Variants in WNT5B observed in about 807,000 individuals in gnomAD.
The protein encoded by WNT5B is protein Wnt-5b.
Under a neutral mutation model 36.5 loss-of-function variants are expected in WNT5B, and 18 were observed. The observed-to-expected ratio is 0.49, with a 90% confidence interval of 0.34 to 0.73. WNT5B has a LOEUF of 0.73. WNT5B is among the 30% of genes least tolerant of loss of function. The pLI is 0.01. For synonymous variants in WNT5B, 213 were observed against 212.3 expected (o/e 1.00, Z -0.03); for missense variants, 424 against 508.4 (o/e 0.83, Z 1.60).
chr12:1,639,224 G>A (rs1240609779), intron 3 of WNT5B, among the ~76,000 whole-genome samples: 3 of 150,264 alleles, frequency 2.0e-5, no homozygotes, highest in Non-Finnish European at 3.0e-5. Flanking sequence ...TGCAAGCTCC[G>A]CCTCCCGGGT....
intron 4 of WNT5B, chr12:1,645,031 C>T (rs2094582672): frequency 6.6e-6 from 1 of 152,174 alleles, no homozygotes; most frequent in Non-Finnish European, 1.5e-5. Flanking sequence ...GGCAAGACTC[C>T]TGATGACTCT....
chr12:1,642,939 G>A (rs113125177), intron 4 of WNT5B, among the ~76,000 whole-genome samples: 9 of 152,064 alleles, frequency 5.9e-5, no homozygotes, highest in African/African-American at 1.7e-4. Context: ...AACAGGCCTC[G>A]GCCATCAGTC....
chr12:1,623,187 G>GTTGTTTTTTTTTTT lies in WNT5B; in HGVS notation c.-58+6046_-58+6047insGTTTTTTTTTTTTT, dbSNP rs1555156806. On this transcript the variant is annotated intron_variant, in intron 1 of 4. Transcript: ENST00000310594. ...GGAAACCTTTGAAGGGTTTTTTGTT[G>GTTGTTTTTTTTTTT]TTTTTTTTTTTTTTTTTTTTTTTTT... 2.4e-4 allele frequency among the ~76,000 whole-genome samples: 14 copies of GTTGTTTTTTTTTTT among 58,366 alleles called. 1 individual carries two copies. Among genetic ancestry groups the GTTGTTTTTTTTTTT allele is most frequent in the African/African-American group, 1.0e-3 (14 of 13,886 alleles). The allele number at this position is 58,366 out of a possible 152,430, so 38.3% of individuals were successfully genotyped here.
At position 1,631,418 on chromosome 12, in the gene WNT5B, G is replaced by A; in HGVS notation, c.64G>A (p.Asp22Asn). 6.2e-7 allele frequency: 1 copy of A among 1,614,172 alleles called. No individual in the cohort carries two copies. Among genetic ancestry groups the A allele is most frequent in the Non-Finnish European group, 8.5e-7 (1 of 1,180,034 alleles). ...LLSSWAQLLTDANSWWSLALN... is the reference protein window; with the variant it reads ...LLSSWAQLLTNANSWWSLALN... ...GTCCAGCTGGGCTCAGCTTCTGACA[G>A]ACGCCAACTCCTGGTGGTGAGTAAG... Residue 22 changes from aspartate to asparagine, a missense_variant, in exon 2 of 5, where the codon GAC becomes AAC. By Grantham distance (23) the Asp-to-Asn change is conservative. Coordinates refer to ENST00000397196, the MANE Select transcript of WNT5B (RefSeq NM_032642.3).
intron 3 of WNT5B, among the ~76,000 whole-genome samples, chr12:1,634,307 T>G (rs771155362): frequency 2.0e-5 from 3 of 152,192 alleles, no homozygotes; most frequent in Non-Finnish European, 4.4e-5. Context: ...CTGCCCTGCG[T>G]TTTGGGCAAT....
rs1338937768 is a variant in WNT5B at position 1,639,770 on chromosome 12, T to A, written c.415T>A (p.Ser139Thr). 2 of 1,609,618 alleles carry A rather than the reference T, an allele frequency of 1.2e-6. No homozygotes were observed. The change falls in exon 4 of 5, where the codon TCC (serine) becomes ACC (threonine). Residue 139 changes from serine to threonine, a missense_variant. Coordinates refer to ENST00000397196, the MANE Select transcript of WNT5B (RefSeq NM_032642.3). ...ISRACREGEL[S>T]TCGCSRTARP... ...CCGGGCCTGCCGCGAGGGCGAGCTC[T>A]CCACCTGCGGCTGCAGCCGGACGGC...
intron 1 of WNT5B, among the ~76,000 whole-genome samples, chr12:1,623,181 TTTGTTG>T (rs1291514109): frequency 5.9e-5 from 8 of 136,442 alleles, no homozygotes; most frequent in African/African-American, 2.3e-4. Flanking sequence ...TGAAGGGTTT[TTTGTTG>T]TTTTTTTTTT....
intron 2 of WNT5B, 76 bp downstream of exon 2, chr12:1,631,510 C>T (rs1471626139): frequency 1.2e-6 from 2 of 1,606,654 alleles, no homozygotes; most frequent in Non-Finnish European, 1.7e-6. Context: ...AGGAAGGGCA[C>T]CGTGTGTCAC....
At chr12:1,631,550 G>A (rs1208247243) in intron 2 of WNT5B, 116 bp downstream of exon 2, 3 of 1,508,268 alleles carry the variant, frequency 2.0e-6, no homozygotes, top group Non-Finnish European at 2.7e-6. Context: ...GGAGTACTAA[G>A]GGCCTCTTTT....
At position 1,646,722 on chromosome 12, in the gene WNT5B, C is replaced by T. The variant is rs1440715381; in HGVS notation, c.*470C>T. The T allele has an allele frequency of 6.6e-6, 1 of 152,500 alleles. No homozygotes were observed. The highest frequency in any genetic ancestry group is 1.5e-5 in the Non-Finnish European group (1 of 68,306). The allele number at this position is 152,500 out of a possible 1,614,324, so 9.4% of individuals were successfully genotyped here. ...GTCTTGTCCAGAATGTAGATGGGTT[C>T]CGTAAGAGGCCTGGTGCTCTCTTAC... On this transcript the variant is annotated 3_prime_UTR_variant, in exon 5 of 5. Coordinates refer to ENST00000397196, the MANE Select transcript of WNT5B (RefSeq NM_032642.3).
intron 4 of WNT5B, chr12:1,645,136 C>T (rs535862630): frequency 1.3e-5 from 2 of 152,226 alleles, no homozygotes; most frequent in Non-Finnish European, 2.9e-5. Flanking sequence ...CTAACCACGG[C>T]TATGCCAGTG....
In WNT5B at chr12:1,633,841, G is replaced by A. The variant is rs1565607885; in HGVS notation, c.328+936G>A. Reference sequence around the variant, plus strand: ...AGATTTCTTCGTGCTCCTCTCTTAGGGAGGATACTTGGAAGGCTCCTTCCC... The same window carrying A: ...AGATTTCTTCGTGCTCCTCTCTTAGAGAGGATACTTGGAAGGCTCCTTCCC... On this transcript the variant is annotated intron_variant, in intron 3 of 4. Coordinates refer to ENST00000397196, the MANE Select transcript of WNT5B (RefSeq NM_032642.3). This position sits in a 1 kb window ranked among gnomAD's most constrained non-coding sequence, Gnocchi z 4.8. Among the ~76,000 whole-genome samples, 1 of 150,306 alleles carries A rather than the reference G, an allele frequency of 6.7e-6. No individual in the cohort carries two copies. The highest frequency in any genetic ancestry group is 1.5e-5 in the Non-Finnish European group (1 of 67,428).
At chr12:1,634,900 C>G (rs555261478) in intron 3 of WNT5B, among the ~76,000 whole-genome samples, 1 of 152,330 alleles carries the variant, frequency 6.6e-6, no homozygotes, top group East Asian at 1.9e-4. Context: ...GTTCTGCTGT[C>G]TCCTGTAGGG....
At chr12:1,625,116 A>G (rs1592518210), upstream of WNT5B, among the ~76,000 whole-genome samples, 5 of 152,220 alleles carry the variant, frequency 3.3e-5, no homozygotes, top group South Asian at 1.0e-3. Flanking sequence ...TTGGAAAAGG[A>G]GACTTCATGT....
chr12:1,617,510 G>A (rs559063954), intron 1 of WNT5B, among the ~76,000 whole-genome samples: 1 of 152,040 alleles, frequency 6.6e-6, no homozygotes, highest in Admixed American at 6.6e-5. Flanking sequence ...TGTGCCTGTA[G>A]TCTCAGCTAC....
rs548533954 is a variant in WNT5B, at chr12:1,631,567, G to A, written c.80+133G>A. The A allele has an allele frequency of 5.7e-5, 79 of 1,392,932 alleles. No individual in the cohort carries two copies. In the African/African-American group the frequency reaches 9.8e-4, roughly 17 times the overall value. The allele number at this position is 1,392,932 out of a possible 1,614,324, so 86.3% of individuals were successfully genotyped here. On this transcript the variant is annotated intron_variant, in intron 2 of 4. Coordinates refer to ENST00000397196, the MANE Select transcript of WNT5B (RefSeq NM_032642.3). ...AGTACTAAGGGCCTCTTTTATCCCAGGAAAACTAAGAACGCTCTGTGTCTC... is the reference window on the plus strand; with the variant it reads ...AGTACTAAGGGCCTCTTTTATCCCAAGAAAACTAAGAACGCTCTGTGTCTC...
rs118171062 is a variant in WNT5B, at chr12:1,617,806, G to T, written c.-58+663G>T. 7.5e-3 allele frequency among the ~76,000 whole-genome samples: 1,145 copies of T among 152,176 alleles called. 11 individuals carry two copies. Among genetic ancestry groups the T allele is most frequent in the Non-Finnish European group, 0.012 (787 of 68,012 alleles). On this transcript the variant is annotated intron_variant, in intron 1 of 4. Coordinates refer to the WNT5B transcript ENST00000310594. ...AGAGAACCTGTGTGCCACCCACCAA[G>T]ACATTCATATTCCAAAGATTTGTAA...
intron 1 of WNT5B, among the ~76,000 whole-genome samples, chr12:1,621,707 A>AT (rs34640616): frequency 0.24 from 34,012 of 140,816 alleles, 4,639 homozygotes; most frequent in Non-Finnish European, 0.32. Context: ...ATATCCAGCT[A>AT]TTTTTTTTTT....
At chr12:1,638,267 C>A (rs529746342) in intron 3 of WNT5B, among the ~76,000 whole-genome samples, 59 of 152,038 alleles carry the variant, frequency 3.9e-4, no homozygotes, top group Admixed American at 1.1e-3. Context: ...AACAAACAAA[C>A]AAAAAAACAC....
Sources: gnomAD v4.1 joint callset for allele counts (sites outside exome capture counted in the v4.1 genomes callset) on GRCh38, gnomAD v4.1.1 for gene constraint, Gnocchi (gnomAD v3.1) non-coding constraint, MANE v1.5 for transcripts, NCBI Gene and HGNC (gene_info 2026-07-23, HGNC 2026-07-21) for gene names.